Variants in CORO7 observed in about 807,000 individuals in gnomAD.
The protein encoded by CORO7 is coronin 7.
A neutral mutation model predicts 126.6 loss-of-function variants in CORO7; 107 were observed. That is an observed-to-expected ratio of 0.85 (90% confidence interval 0.72 to 0.99). The LOEUF (loss-of-function observed/expected upper bound fraction) is 0.99, where lower values mean the gene tolerates loss of function less well. CORO7 is among the 50% of genes least tolerant of loss of function. The pLI, the probability that CORO7 is intolerant of heterozygous loss-of-function variation, is 0.00. For missense variants in CORO7, 1,314 were observed against 1,255.8 expected (o/e 1.05, Z -0.70); for synonymous variants, 603 against 536.8 (o/e 1.12, Z -1.70).
intron 26 of CORO7, chr16:4,356,890 A>C (rs1222883741): frequency 2.0e-6 from 1 of 506,478 alleles, no homozygotes; most frequent in Admixed American, 3.5e-5. Flanking sequence ...AAGTGCTCAA[A>C]ATATACTCCA....
chr16:4,381,819 C>T (rs201683567), intron 9 of CORO7: 29 of 1,600,552 alleles, frequency 1.8e-5, no homozygotes, highest in East Asian at 8.9e-5. Context: ...CCTGGGTGCG[C>T]GAGAGCCACG....
intron 9 of CORO7, among the ~76,000 whole-genome samples, chr16:4,378,291 C>T (rs1490066111): frequency 6.6e-6 from 1 of 151,950 alleles, no homozygotes; most frequent in Non-Finnish European, 1.5e-5. Flanking sequence ...AGTGAGCGCT[C>T]TTAACTGTGA....
intron 25 of CORO7, chr16:4,357,618 A>C (rs1049549066): frequency 8.6e-6 from 3 of 347,362 alleles, no homozygotes; most frequent in Non-Finnish European, 1.6e-5. Flanking sequence ...AGCCTCCTAA[A>C]GTGCTGGGAT....
Position 4,364,636 on chromosome 16 carries a change from G to A in CORO7, c.1098C>T (p.Ala366=). The A allele has an allele frequency of 6.3e-7, 1 of 1,575,702 alleles. No individual in the cohort carries two copies. The highest frequency in any genetic ancestry group is 8.6e-7 in the Non-Finnish European group (1 of 1,161,538). The change falls in exon 13 of 28, where the codon GCC becomes GCT. Residue 366 remains alanine, a synonymous_variant. Coordinates refer to ENST00000251166, the MANE Select transcript of CORO7 (RefSeq NM_024535.5). ...LFPDTAGCVP[A]TDPHSWWAGD... is the part of the protein sequence containing the mutation. ...CAGCCCACCAGCTATGGGGGTCGGT[G>A]GCAGGCACACAGCCGGCAGTGTCCG... is the stretch of plus-strand genomic sequence containing the variant.
Position 4,362,752 on chromosome 16 carries a change from T to C in CORO7, c.1276-14A>G, listed in dbSNP as rs757329609. 3.6e-6 allele frequency: 5 copies of C among 1,380,588 alleles called. No individual in the cohort carries two copies. The highest frequency in any genetic ancestry group is 3.2e-5 in the Admixed American group (1 of 31,674). The allele number at this position is 1,380,588 out of a possible 1,614,324, so 85.5% of individuals were successfully genotyped here. A position where few individuals can be genotyped will look rare whatever the true frequency, so the allele number is the denominator to read the frequency against. On this transcript the variant is annotated splice_polypyrimidine_tract_variant and intron_variant, in intron 14 of 27. Coordinates refer to ENST00000251166, the MANE Select transcript of CORO7 (RefSeq NM_024535.5). This position sits in a 1 kb window ranked among gnomAD's most constrained non-coding sequence, Gnocchi z 5.3. ...AGAGAAACCCTCCTGGGGAGGGGCATGGGGTCAGCCAGCCTGCTCCTAGGT... is the reference window on the plus strand; with the variant it reads ...AGAGAAACCCTCCTGGGGAGGGGCACGGGGTCAGCCAGCCTGCTCCTAGGT...
Position 4,355,161 on chromosome 16 carries a change from G to C in CORO7, c.2775C>G (p.Asp925Glu), listed in dbSNP as rs1219271320. 6.5e-7 allele frequency: 1 copy of C among 1,532,142 alleles called. No individual in the cohort carries two copies. Among genetic ancestry groups the C allele is most frequent in the East Asian group, 2.3e-5 (1 of 43,038 alleles). 94.9% of individuals were successfully genotyped at this position (1,532,142 alleles called of 1,614,324 possible). Reference sequence around the variant, plus strand: ...GTGGAGGTGACGGGGGCGCAGGCTAGTCCTGGGGCGAAACACCAAGAGGTG... The same window carrying C: ...GTGGAGGTGACGGGGGCGCAGGCTACTCCTGGGGCGAAACACCAAGAGGTG... ...SFEGVDEDEWD is the reference protein window; with the variant it reads ...SFEGVDEDEWE The change falls in exon 28 of 28, where the codon GAC (aspartate) becomes GAG (glutamate). Residue 925 changes from aspartate (D) to glutamate (E), a missense_variant and splice_region_variant. Coordinates refer to ENST00000251166, the MANE Select transcript of CORO7 (RefSeq NM_024535.5).
intron 7 of CORO7, among the ~76,000 whole-genome samples, chr16:4,392,903 T>C (rs2055446403): frequency 6.6e-6 from 1 of 152,180 alleles, no homozygotes; most frequent in South Asian, 2.1e-4. Flanking sequence ...ACCCACGCTC[T>C]TCCCAGGTCT....
chr16:4,397,832 G>A (rs1020499656), intron 6 of CORO7, among the ~76,000 whole-genome samples: 13 of 152,064 alleles, frequency 8.5e-5, no homozygotes, highest in African/African-American at 3.1e-4. Context: ...ACAGGCTGGT[G>A]TCGAATTCCT....
chr16:4,357,368 T>G, intron 25 of CORO7, 109 bp from the exon 26 acceptor site: 1 of 1,255,768 alleles, frequency 8.0e-7, no homozygotes, highest in South Asian at 1.6e-5. Flanking sequence ...TTTTTTTTTT[T>G]TTTTTTGAGA....
intron 1 of CORO7, chr16:4,415,624 C>T (rs1011447586): frequency 1.3e-6 from 1 of 785,442 alleles, no homozygotes; most frequent in Non-Finnish European, 1.5e-6. Flanking sequence ...GAACCTCTAC[C>T]CAGACTGCCC....
intron 9 of CORO7, among the ~76,000 whole-genome samples, chr16:4,366,966 C>T (rs1450057628): frequency 1.3e-5 from 2 of 152,324 alleles, no homozygotes; most frequent in African/African-American, 4.8e-5. Context: ...TGGCAGCTGC[C>T]TCTATCCCTC....
chr16:4,397,937 G>A (rs184957728), intron 6 of CORO7, among the ~76,000 whole-genome samples: 25 of 150,438 alleles, frequency 1.7e-4, no homozygotes, highest in African/African-American at 6.1e-4. Context: ...TTGTTTTTGA[G>A]ACAGAGTCTC....
rs1767243709 is a variant in CORO7, at chr16:4,381,209, G to A, written c.785+6777C>T. ...AGCAACCTGGACCTGACAGCCAACA[G>A]GCTGCATGAAATCACCAATGAGACC... is the stretch of plus-strand genomic sequence containing the variant. On this transcript the variant is annotated intron_variant, in intron 9 of 27. Transcript: ENST00000251166. 2.5e-6 allele frequency: 4 copies of A among 1,612,112 alleles called. No individual in the cohort carries two copies. The Admixed American group carries it at 5.0e-5, about 20-fold the overall frequency.
intron 9 of CORO7, chr16:4,381,757 G>T (rs1320301787): frequency 1.9e-6 from 3 of 1,602,416 alleles, no homozygotes; most frequent in Non-Finnish European, 2.5e-6. Context: ...GCGGCTGCTG[G>T]CAGCTGCCCG....
rs1176501682 is a variant in CORO7, at chr16:4,383,086, C to T, written c.785+4900G>A. 4 of 656,342 alleles carry T rather than the reference C, an allele frequency of 6.1e-6. No homozygotes were observed. In the East Asian group the frequency reaches 9.3e-5, roughly 15 times the overall value. 40.7% of individuals were successfully genotyped at this position (656,342 alleles called of 1,614,324 possible). A position where few individuals can be genotyped will look rare whatever the true frequency, so the allele number is the denominator to read the frequency against. The stretch of plus-strand genomic sequence containing the variant: ...TCCTCATCTGTGAGATGCTGTGGCC[C>T]AGCTGACGAGCCCTAACGTCCCCAG... On this transcript the variant is annotated intron_variant, in intron 9 of 27. Transcript: ENST00000251166.
Position 4,362,744 on chromosome 16 carries a change from G to C in CORO7, c.1276-6C>G. 7.1e-7 allele frequency: 1 copy of C among 1,403,142 alleles called. No homozygotes were observed. The highest frequency in any genetic ancestry group is 1.7e-5 in the South Asian group (1 of 60,012). 86.9% of individuals were successfully genotyped at this position (1,403,142 alleles called of 1,614,324 possible). Reference sequence around the variant, plus strand: ...GGAGGGGAAGAGAAACCCTCCTGGGGAGGGGCATGGGGTCAGCCAGCCTGC... The same window carrying C: ...GGAGGGGAAGAGAAACCCTCCTGGGCAGGGGCATGGGGTCAGCCAGCCTGC... On this transcript the variant is annotated splice_region_variant and splice_polypyrimidine_tract_variant and intron_variant, in intron 14 of 27. Coordinates refer to ENST00000251166, the MANE Select transcript of CORO7 (RefSeq NM_024535.5). This position sits in a 1 kb window ranked among gnomAD's most constrained non-coding sequence, Gnocchi z 5.3.
At chr16:4,411,565 G>C (rs184602650) in intron 3 of CORO7, among the ~76,000 whole-genome samples, 2 of 152,232 alleles carry the variant, frequency 1.3e-5, no homozygotes, top group East Asian at 3.9e-4. Flanking sequence ...TTTTAAAAAA[G>C]TTTAGATGAG....
chr16:4,401,830 GC>G (rs1344089301), intron 6 of CORO7, among the ~76,000 whole-genome samples: 2 of 151,972 alleles, frequency 1.3e-5, no homozygotes, highest in African/African-American at 4.8e-5. Flanking sequence ...GAGACCGACA[GC>G]CCGAGTCCAG....
Position 4,382,147 on chromosome 16 carries a change from A to C in CORO7, c.785+5839T>G, listed in dbSNP as rs2055002121. On this transcript the variant is annotated intron_variant, in intron 9 of 27. Coordinates refer to ENST00000251166, the MANE Select transcript of CORO7 (RefSeq NM_024535.5). ...CAATGGGGGCACATGCCACCTGGGG[A>C]CACGGCACCACCTGGCGTGCTTGTG... 6 of 1,591,632 alleles carry C rather than the reference A, an allele frequency of 3.8e-6. No homozygotes were observed. The African/African-American group carries it at 6.7e-5, about 18-fold the overall frequency.
Sources: gnomAD v4.1 joint callset for allele counts (sites outside exome capture counted in the v4.1 genomes callset) on GRCh38, gnomAD v4.1.1 for gene constraint, Gnocchi (gnomAD v3.1) non-coding constraint, MANE v1.5 for transcripts, NCBI Gene and HGNC (gene_info 2026-07-23, HGNC 2026-07-21) for gene names.